The following DENND5B variants were observed in gnomAD, a reference collection of about 807,000 sequenced individuals.
The protein encoded by DENND5B is DENN domain containing 5B.
In DENND5B, 34 loss-of-function variants were observed where a neutral mutation model predicts 140.6. The observed-to-expected ratio is 0.24, with a 90% CI of 0.18 to 0.32. The LOEUF is 0.32. Ranked by LOEUF, DENND5B falls within the 10% of genes least tolerant of loss-of-function variation. The probability of loss-of-function intolerance (pLI) is 1.00; values close to 1 mark genes in which losing one functional copy is unlikely to be tolerated. For synonymous variants in DENND5B, 551 were observed against 562.1 expected (o/e 0.98, Z 0.28); for missense variants, 1,142 against 1,560.2 (o/e 0.73, Z 4.52).
intron 13 of DENND5B, among the ~76,000 whole-genome samples, chr12:31,411,661 GA>G (rs201870551): frequency 1.3e-5 from 2 of 149,218 alleles, no homozygotes; most frequent in South Asian, 2.1e-4. Context: ...TTTGTAATTG[GA>G]AAAAAAAACC....
At chr12:31,530,358 G>GC (rs1163043548) in intron 1 of DENND5B, among the ~76,000 whole-genome samples, 1 of 152,146 alleles carries the variant, frequency 6.6e-6, no homozygotes, top group Non-Finnish European at 1.5e-5. Context: ...GGGTGACAGA[G>GC]CAAGACTCCA....
At chr12:31,485,375 A>G (rs1591896563) in intron 2 of DENND5B, among the ~76,000 whole-genome samples, 1 of 152,248 alleles carries the variant, frequency 6.6e-6, no homozygotes, top group African/African-American at 2.4e-5. Flanking sequence ...AATGCTTTCC[A>G]AGAGTTCATC....
chr12:31,563,581 T>C (rs2139344378), intron 1 of DENND5B, among the ~76,000 whole-genome samples: 1 of 152,288 alleles, frequency 6.6e-6, no homozygotes, highest in South Asian at 2.1e-4. Flanking sequence ...TTACGAACTT[T>C]GAGTTTGTAA....
At chr12:31,480,915 T>C (rs1474106237) in intron 2 of DENND5B, among the ~76,000 whole-genome samples, 1 of 152,182 alleles carries the variant, frequency 6.6e-6, no homozygotes, top group Non-Finnish European at 1.5e-5. Context: ...ATGCTCTAGT[T>C]CTTGGGAACT....
intron 1 of DENND5B, chr12:31,500,372 T>C (rs1168738343): frequency 4.4e-6 from 2 of 454,196 alleles, no homozygotes; most frequent in Non-Finnish European, 8.8e-6. Flanking sequence ...TAAGACTAAA[T>C]GACCAACTTT....
At chr12:31,455,967 C>G (rs1453077106) in intron 4 of DENND5B, among the ~76,000 whole-genome samples, 1 of 151,980 alleles carries the variant, frequency 6.6e-6, no homozygotes, top group Non-Finnish European at 1.5e-5. Flanking sequence ...TGCAGTGTGC[C>G]AAGATCATGC....
In DENND5B at chr12:31,389,440, G is replaced by C; in HGVS notation, c.3525C>G (p.Val1175=). ...TDQILDNEDD[V]LIQKSSCKTF... ...TTTTGCAGGATGATTTCTGAATAAG[G>C]ACATCATCTTCATTATCTAGAATCT... The change falls in exon 20 of 21, where the codon GTC becomes GTG. Residue 1175 remains valine, a synonymous_variant. Transcript: ENST00000389082. 6.2e-7 allele frequency: 1 copy of C among 1,607,150 alleles called. No homozygotes were observed. The highest frequency in any genetic ancestry group is 8.5e-7 in the Non-Finnish European group (1 of 1,176,578).
At chr12:31,493,757 G>A (rs1946624044) in intron 2 of DENND5B, among the ~76,000 whole-genome samples, 1 of 152,200 alleles carries the variant, frequency 6.6e-6, no homozygotes, top group African/African-American at 2.4e-5. Flanking sequence ...CCTGAACCCA[G>A]GAGGTGGAGG....
At chr12:31,485,695 CT>C (rs1198382443) in intron 2 of DENND5B, among the ~76,000 whole-genome samples, 1 of 151,896 alleles carries the variant, frequency 6.6e-6, no homozygotes, top group Non-Finnish European at 1.5e-5. Flanking sequence ...GACAGAGTGA[CT>C]TTTGAGCAGA....
chr12:31,434,346 G>A (rs1198965097), intron 7 of DENND5B, among the ~76,000 whole-genome samples: 1 of 152,118 alleles, frequency 6.6e-6, no homozygotes, highest in East Asian at 1.9e-4. Flanking sequence ...TAAAATCAGT[G>A]CTAGTTCTAT....
At chr12:31,549,282 T>C (rs918635416) in intron 1 of DENND5B, among the ~76,000 whole-genome samples, 2 of 152,192 alleles carry the variant, frequency 1.3e-5, no homozygotes, top group Non-Finnish European at 2.9e-5. Flanking sequence ...TCAGCAATGA[T>C]AACCAAGTCT....
Position 31,424,656 on chromosome 12 carries a change from T to C in DENND5B, c.2270A>G (p.His757Arg), listed in dbSNP as rs1400102381. Residue 757 changes from histidine (H) to arginine (R), a missense_variant, in exon 10 of 21, where the codon CAT becomes CGT. By Grantham distance (29) the His-to-Arg change is conservative (BLOSUM62 0). This residue lies in a region of DENND5B where 33 missense variants were observed against 90.8 expected (regional missense o/e 0.36). Coordinates refer to ENST00000389082, the MANE Select transcript of DENND5B (RefSeq NM_144973.4). Reference sequence around the variant, plus strand: ...TCCATGGCCAAGTTCCACCGCTTCATGTCCCATCTTCTCCACCAACATGCG... The same window carrying C: ...TCCATGGCCAAGTTCCACCGCTTCACGTCCCATCTTCTCCACCAACATGCG... Reference protein sequence around the residue: ...TKRMLVEKMGHEAVELGHGEA... With the variant: ...TKRMLVEKMGREAVELGHGEA... The C allele has an allele frequency of 6.2e-7, 1 of 1,614,000 alleles. No individual in the cohort carries two copies. Among genetic ancestry groups the C allele is most frequent in the Admixed American group, 1.7e-5 (1 of 60,022 alleles).
At chr12:31,544,773 C>T (rs1470238463) in intron 1 of DENND5B, among the ~76,000 whole-genome samples, 1 of 151,790 alleles carries the variant, frequency 6.6e-6, no homozygotes, top group Non-Finnish European at 1.5e-5. Context: ...GACATTATGC[C>T]CTCCTGATAG....
At chr12:31,492,960 G>T (rs554869625) in intron 2 of DENND5B, among the ~76,000 whole-genome samples, 1 of 152,188 alleles carries the variant, frequency 6.6e-6, no homozygotes, top group Non-Finnish European at 1.5e-5. Flanking sequence ...ACTCTGTAAG[G>T]AATCAAAGTC....
At position 31,590,738 on chromosome 12, in the gene DENND5B, G is replaced by C. The variant is rs1340901903; in HGVS notation, c.95C>G (p.Ala32Gly). The C allele has an allele frequency of 2.0e-6, 3 of 1,475,978 alleles. No homozygotes were observed. The highest frequency in any genetic ancestry group is 2.7e-6 in the Non-Finnish European group (3 of 1,119,614). The allele number at this position is 1,475,978 out of a possible 1,614,324, so 91.4% of individuals were successfully genotyped here. ...CTCGTCAGGCTCCAGCCCGCTGTCC[G>C]CGTCGATCCCGCACAGCACGAAGTA... ...AHYFVLCGID[A>G]DSGLEPDELA... Residue 32 changes from alanine (A) to glycine (G), a missense_variant, in exon 1 of 21, where the codon GCG becomes GGG. Physicochemically the swap from Ala to Gly is moderately conservative, Grantham distance 60. Around this residue, in one of 5 missense-constraint regions of DENND5B, gnomAD observed 708 missense variants for 905.5 expected, o/e 0.78. Transcript: ENST00000389082.
At chr12:31,497,553 G>A (rs1011820062) in intron 1 of DENND5B, among the ~76,000 whole-genome samples, 1 of 151,516 alleles carries the variant, frequency 6.6e-6, no homozygotes, top group Non-Finnish European at 1.5e-5. Context: ...CTGATTTCAG[G>A]AAGAGTCCAT....
intron 1 of DENND5B, among the ~76,000 whole-genome samples, chr12:31,554,642 C>T (rs1323519116): frequency 6.6e-6 from 1 of 152,076 alleles, no homozygotes; most frequent in Non-Finnish European, 1.5e-5. Context: ...TTCCTATATC[C>T]TGCAGAGTGT....
At chr12:31,451,147 G>C (rs1467220288) in intron 5 of DENND5B, among the ~76,000 whole-genome samples, 1 of 151,938 alleles carries the variant, frequency 6.6e-6, no homozygotes, top group Non-Finnish European at 1.5e-5. Context: ...CTTCCTGATA[G>C]GATAAAGACT....
chr12:31,502,913 G>T (rs1356151408), intron 1 of DENND5B, among the ~76,000 whole-genome samples: 1 of 152,146 alleles, frequency 6.6e-6, no homozygotes, highest in African/African-American at 2.4e-5. Context: ...CATCAAAGTG[G>T]TTACTTAGAT....
Sources: allele counts gnomAD v4.1 joint callset (sites outside exome capture counted in the v4.1 genomes callset), GRCh38; gene constraint gnomAD v4.1.1; regional missense constraint gnomAD v4.1.1; transcripts MANE v1.5; gene names NCBI Gene and HGNC (gene_info 2026-07-23, HGNC 2026-07-21).